The following SLC25A51 variants were observed in gnomAD, a reference collection of about 807,000 sequenced individuals.
SLC25A51 encodes solute carrier family 25 member 51, also known as mitochondrial nicotinamide adenine dinucleotide transporter SLC25A51.
In SLC25A51, 11 loss-of-function variants were observed where a neutral mutation model predicts 19.1. The ratio of observed to expected loss-of-function variants is 0.58; its 90% CI spans 0.36 to 0.96. The LOEUF (loss-of-function observed/expected upper bound fraction) is 0.96, where lower values mean the gene tolerates loss of function less well. SLC25A51 is among the 40% of genes least tolerant of loss of function. The pLI, the probability that SLC25A51 is intolerant of heterozygous loss-of-function variation, is 0.01. For synonymous variants in SLC25A51, 105 were observed against 133.6 expected, an observed-to-expected ratio of 0.79 and a Z score of 1.47; for missense variants, 201 against 365.4, an observed-to-expected ratio of 0.55 and a Z score of 3.67.
At chr9:37,893,029 A>G (rs1222171263) in intron 2 of SLC25A51, among the ~76,000 whole-genome samples, 3 of 151,590 alleles carry the variant, frequency 2.0e-5, no homozygotes, top group Admixed American at 2.0e-4. Context: ...TGTGGGCCAC[A>G]GCGCCTGGCC....
At position 37,898,894 on chromosome 9, in the gene SLC25A51, T is replaced by C. The variant is rs184393772; in HGVS notation, c.-43+935A>G. On this transcript the variant is annotated intron_variant, in intron 2 of 2. Transcript: ENST00000242275. Reference sequence around the variant, plus strand: ...TAACTCAAGAGTCTATCTTAAACTTTGGTCAAATGCTTTTAGAAAGCTCCT... The same window carrying C: ...TAACTCAAGAGTCTATCTTAAACTTCGGTCAAATGCTTTTAGAAAGCTCCT... Among the ~76,000 whole-genome samples the C allele has an allele frequency of 1.1e-4, 16 of 152,300 alleles. No homozygotes were observed. The East Asian group carries it at 2.5e-3, about 24-fold the overall frequency.
intron 1 of SLC25A51, 31 bp downstream of exon 1, chr9:37,904,037 C>T (rs1056042453): frequency 2.0e-5 from 3 of 152,408 alleles, no homozygotes; most frequent in African/African-American, 7.2e-5. Context: ...GAAGAAAGCC[C>T]GGTGCTTCCC....
Position 37,888,422 on chromosome 9 carries a change from G to A in SLC25A51, c.129C>T (p.Asn43=), listed in dbSNP as rs1450624984. ...GAATGGGAAATGTGATTGCGACATT[G>A]TTGAAGGCTGCACAGCAGCCACACA... is the stretch of plus-strand genomic sequence containing the variant. ...HYLCGCCAAF[N]NVAITFPIQK... Residue 43 remains asparagine (N), a synonymous_variant, in exon 3 of 3, where the codon AAC becomes AAT. Transcript: ENST00000242275. 8 of 1,614,222 alleles carry A rather than the reference G, an allele frequency of 5.0e-6. No homozygotes were observed. The East Asian group carries it at 6.7e-5, about 13-fold the overall frequency.
At chr9:37,898,585 G>A (rs1831773813) in intron 2 of SLC25A51, among the ~76,000 whole-genome samples, 1 of 151,906 alleles carries the variant, frequency 6.6e-6, no homozygotes, top group Non-Finnish European at 1.5e-5. Context: ...CGGGCATGGT[G>A]GCATGCACCT....
chr9:37,886,380 A>G, downstream of SLC25A51: 2 of 1,598,344 alleles, frequency 1.3e-6, no homozygotes, highest in Non-Finnish European at 1.7e-6. Context: ...GAAAGCAAGA[A>G]GGATAAATAA....
intron 3 of SLC25A51, chr9:37,881,473 T>A (rs1414312705): frequency 6.6e-6 from 1 of 152,078 alleles, no homozygotes; most frequent in Non-Finnish European, 1.5e-5. Flanking sequence ...CTGGGCAACA[T>A]GATGAAAATC....
intron 1 of SLC25A51, among the ~76,000 whole-genome samples, chr9:37,900,421 C>G (rs1481472920): frequency 6.6e-6 from 1 of 151,464 alleles, no homozygotes; most frequent in African/African-American, 2.4e-5. Flanking sequence ...TGCACTCCAG[C>G]CTGGGCGACA....
At chr9:37,886,280 T>C (rs1831455392), downstream of SLC25A51, 18 of 1,613,648 alleles carry the variant, frequency 1.1e-5, no homozygotes, top group Non-Finnish European at 1.5e-5. Flanking sequence ...AAATGAGCTA[T>C]ACCAGCGGGC....
chr9:37,886,088 G>A, downstream of SLC25A51: 1 of 1,540,524 alleles, frequency 6.5e-7, no homozygotes, highest in Non-Finnish European at 9.0e-7. Context: ...GGTGGATGCT[G>A]GACGCTATAC....
At chr9:37,893,158 G>C (rs1281285965) in intron 2 of SLC25A51, among the ~76,000 whole-genome samples, 1 of 152,186 alleles carries the variant, frequency 6.6e-6, no homozygotes, top group Non-Finnish European at 1.5e-5. Flanking sequence ...GATTACAGGT[G>C]TAAGCCACTG....
chr9:37,883,127 G>A (rs926374823), downstream of SLC25A51, among the ~76,000 whole-genome samples: 12 of 152,242 alleles, frequency 7.9e-5, no homozygotes, highest in African/African-American at 2.9e-4. Flanking sequence ...TTACAGGCGT[G>A]AGCCACCGCA....
At chr9:37,898,106 C>A (rs1831759943) in intron 2 of SLC25A51, among the ~76,000 whole-genome samples, 1 of 152,214 alleles carries the variant, frequency 6.6e-6, no homozygotes, top group Admixed American at 6.5e-5. Context: ...TGAAATTGTG[C>A]TTCCCATTAA....
intron 2 of SLC25A51, among the ~76,000 whole-genome samples, chr9:37,891,848 T>TGAAAA (rs375610382): frequency 1.1e-5 from 1 of 87,742 alleles, no homozygotes. Flanking sequence ...CCAAGAATGA[T>TGAAAA]AAAAAAAAAA....
chr9:37,895,478 G>C (rs914339107), intron 2 of SLC25A51, among the ~76,000 whole-genome samples: 4 of 151,948 alleles, frequency 2.6e-5, no homozygotes, highest in Middle Eastern at 3.4e-3. Context: ...GGGATTGTAA[G>C]GAGTGAGCCA....
downstream of SLC25A51, among the ~76,000 whole-genome samples, chr9:37,885,365 A>AAC (rs1554693032): frequency 1.3e-4 from 20 of 150,960 alleles, no homozygotes; most frequent in Non-Finnish European, 1.3e-4. Context: ...AAAAAAAAAA[A>AAC]AAACCTTGTA....
downstream of SLC25A51, among the ~76,000 whole-genome samples, chr9:37,883,315 C>T (rs963903455): frequency 7.2e-5 from 11 of 152,092 alleles, no homozygotes; most frequent in African/African-American, 2.7e-4. Context: ...CAAAACCATC[C>T]CTGGTAATGT....
At chr9:37,886,598 G>C (rs1831462474), downstream of SLC25A51, among the ~76,000 whole-genome samples, 1 of 152,164 alleles carries the variant, frequency 6.6e-6, no homozygotes, top group South Asian at 2.1e-4. Context: ...TGTTGCACTG[G>C]AGCAAGAAAG....
At chr9:37,887,248 C>T (rs1267438387), downstream of SLC25A51, among the ~76,000 whole-genome samples, 1 of 150,660 alleles carries the variant, frequency 6.6e-6, no homozygotes, top group Admixed American at 6.6e-5. Context: ...ACCCTGGAGG[C>T]GGAGGTTGCA....
At chr9:37,885,928 T>C (rs878923208), downstream of SLC25A51, 23 of 1,611,184 alleles carry the variant, frequency 1.4e-5, no homozygotes, top group South Asian at 2.2e-4. Flanking sequence ...ACTTCAATGA[T>C]AAAACCATTG....
Sources: allele counts gnomAD v4.1 joint callset (sites outside exome capture counted in the v4.1 genomes callset), GRCh38; gene constraint gnomAD v4.1.1; transcripts MANE v1.5; gene names NCBI Gene and HGNC (gene_info 2026-07-23, HGNC 2026-07-21).